The following ATF2 variants were observed in gnomAD, a reference collection of about 807,000 sequenced individuals.
ATF2 encodes the protein activating transcription factor 2, also known as cyclic AMP-dependent transcription factor ATF-2.
ATF2 carries 24 observed loss-of-function variants against 60.6 expected under a neutral mutation model. The ratio of observed to expected loss-of-function variants is 0.40; its 90% CI spans 0.29 to 0.56. The LOEUF (loss-of-function observed/expected upper bound fraction) is 0.56, where lower values mean the gene tolerates loss of function less well. Ranked by LOEUF, ATF2 falls within the 20% of genes least tolerant of loss-of-function variation. The pLI is 0.54. For missense variants in ATF2, 433 were observed against 607.7 expected, an observed-to-expected ratio of 0.71 and a Z score of 3.02; for synonymous variants, 206 against 215.4, an observed-to-expected ratio of 0.96 and a Z score of 0.38.
intron 11 of ATF2, 84 bp from the exon 12 acceptor site, chr2:175,093,351 G>C: frequency 2.2e-6 from 3 of 1,333,456 alleles, no homozygotes; most frequent in Non-Finnish European, 3.1e-6. Flanking sequence ...CAAAGGGGGA[G>C]AGCAACTGTA....
At chr2:175,163,058 T>C (rs1199690686) in intron 1 of ATF2, among the ~76,000 whole-genome samples, 16 of 151,856 alleles carry the variant, frequency 1.1e-4, no homozygotes, top group Admixed American at 9.8e-4. Flanking sequence ...GGCATGAACC[T>C]GGGAGGCGGA....
chr2:175,111,660 C>T lies in ATF2; in HGVS notation c.742-6G>A. On this transcript the variant is annotated splice_polypyrimidine_tract_variant and splice_region_variant and intron_variant, in intron 9 of 13. Coordinates refer to ENST00000264110, the MANE Select transcript of ATF2 (RefSeq NM_001880.4). ...ATGGTGACTGGTCGAACGAGCTATG[C>T]ATGACATAAGGAAAAATAATTGCTA... 6.2e-7 allele frequency: 1 copy of T among 1,610,672 alleles called. No homozygotes were observed. Among genetic ancestry groups the T allele is most frequent in the South Asian group, 1.1e-5 (1 of 90,716 alleles).
chr2:175,086,160 G>GT lies in ATF2; in HGVS notation c.1186-5396dup, dbSNP rs1694153453. 2.0e-5 allele frequency among the ~76,000 whole-genome samples: 3 copies of GT among 152,112 alleles called. No individual in the cohort carries two copies. The South Asian group carries it at 6.2e-4, about 31-fold the overall frequency. ...TTGTCCTGATCTAAAATGTTTTACA[G>GT]TAACATTTTCCTAATGATGATTCTG... is the stretch of plus-strand genomic sequence containing the variant. On this transcript the variant is annotated intron_variant, in intron 12 of 13. Transcript: ENST00000264110.
intron 2 of ATF2, among the ~76,000 whole-genome samples, chr2:175,142,294 G>C (rs773029664): frequency 6.6e-6 from 1 of 150,828 alleles, no homozygotes; most frequent in African/African-American, 2.4e-5. Flanking sequence ...CAAGCCTCCA[G>C]AGTAGCCGGG....
At chr2:175,108,315 G>A (rs1207326309) in intron 10 of ATF2, among the ~76,000 whole-genome samples, 42 of 151,892 alleles carry the variant, frequency 2.8e-4, no homozygotes, top group Non-Finnish European at 4.9e-4. Flanking sequence ...CCGTCCGGGA[G>A]GGAGGTGGGG....
At chr2:175,115,654 G>A (rs1696502245) in intron 7 of ATF2, among the ~76,000 whole-genome samples, 1 of 152,104 alleles carries the variant, frequency 6.6e-6, no homozygotes, top group South Asian at 2.1e-4. Flanking sequence ...AAGCTACATA[G>A]GAAGAAGGAT....
intron 10 of ATF2, among the ~76,000 whole-genome samples, chr2:175,098,901 A>T (rs996187142): frequency 4.6e-5 from 7 of 152,210 alleles, no homozygotes; most frequent in African/African-American, 1.7e-4. Flanking sequence ...AGCATATATG[A>T]AAAGATCACC....
rs764894550 is a variant in ATF2, at chr2:175,093,133, T to C, written c.1113A>G (p.Gln371=). 2.5e-6 allele frequency: 4 copies of C among 1,614,098 alleles called. No homozygotes were observed. Among genetic ancestry groups the C allele is most frequent in the Non-Finnish European group, 2.5e-6 (3 of 1,180,036 alleles). ...AAGACTGAACCCAGACTTTCCTTTT[T>C]TGTCGGCATCTTGAAGCTGCTGCTC... ...RNRAAASRCR[Q]KRKVWVQSLE... Residue 371 remains glutamine (Q), a synonymous_variant, in exon 12 of 14, where the codon CAA becomes CAG. Coordinates refer to ENST00000264110, the MANE Select transcript of ATF2 (RefSeq NM_001880.4).
At chr2:175,096,343 T>C (rs989842364) in intron 11 of ATF2, among the ~76,000 whole-genome samples, 2 of 152,172 alleles carry the variant, frequency 1.3e-5, no homozygotes, top group Non-Finnish European at 2.9e-5. Flanking sequence ...ATAAAGCATA[T>C]TTGCTCCTTT....
chr2:175,123,324 C>A (rs767001861), intron 4 of ATF2, among the ~76,000 whole-genome samples: 33 of 152,024 alleles, frequency 2.2e-4, no homozygotes, highest in Non-Finnish European at 4.0e-4. Flanking sequence ...ACATCCTACA[C>A]TAAAAGCATC....
intron 2 of ATF2, among the ~76,000 whole-genome samples, chr2:175,139,245 TATATC>T (rs1292949293): frequency 6.6e-6 from 1 of 152,146 alleles, no homozygotes; most frequent in Non-Finnish European, 1.5e-5. Flanking sequence ...TAAAAGAAAT[TATATC>T]AGTTGGATAC....
chr2:175,094,403 GAAAAAAA>G (rs61440218), intron 11 of ATF2, among the ~76,000 whole-genome samples: 45 of 61,142 alleles, frequency 7.4e-4, no homozygotes, highest in Non-Finnish European at 1.1e-3. Context: ...CAAAAAATAC[GAAAAAAA>G]AAAAAAAAAA....
In ATF2 at chr2:175,097,955, T is replaced by A. The variant is rs1004957829; in HGVS notation, c.829-362A>T. Among the ~76,000 whole-genome samples, 4 of 152,244 alleles carry A rather than the reference T, an allele frequency of 2.6e-5. No individual in the cohort carries two copies. In the East Asian group the frequency reaches 5.8e-4, roughly 22 times the overall value. On this transcript the variant is annotated intron_variant, in intron 10 of 13. Transcript: ENST00000264110. ...CTGTTGCAGGTTTGCCAGTTAATTA[T>A]TGGATTGTACTGGACTCACATTCAG...
chr2:175,155,866 T>G (rs1699640246), intron 1 of ATF2, among the ~76,000 whole-genome samples: 1 of 152,148 alleles, frequency 6.6e-6, no homozygotes, highest in African/African-American at 2.4e-5. Context: ...AAAACAGAAA[T>G]TATATTTTTT....
intron 4 of ATF2, 146 bp from the exon 5 acceptor site, chr2:175,121,686 TA>T (rs1430484957): frequency 8.8e-6 from 5 of 568,000 alleles, no homozygotes; most frequent in Non-Finnish European, 1.5e-5. Flanking sequence ...CCGTTATTGT[TA>T]GTAGATAGCA....
At chr2:175,156,733 C>T (rs892960246) in intron 1 of ATF2, among the ~76,000 whole-genome samples, 1 of 152,216 alleles carries the variant, frequency 6.6e-6, no homozygotes, top group African/African-American at 2.4e-5. Context: ...AAAAGGAATG[C>T]AGCTCTGCCA....
In ATF2 at chr2:175,111,562, G is replaced by T; in HGVS notation, c.828+6C>A. On this transcript the variant is annotated splice_donor_region_variant and intron_variant, in intron 10 of 13. Transcript: ENST00000264110. ...CAATGTACAGAACAAATAAAATCTG[G>T]CTTACCATTTTTGCTTCTGACTGTA... 1.2e-6 allele frequency: 2 copies of T among 1,608,120 alleles called. No homozygotes were observed.
chr2:175,146,172 C>T (rs1698933460), intron 2 of ATF2, among the ~76,000 whole-genome samples: 1 of 151,962 alleles, frequency 6.6e-6, no homozygotes, highest in Non-Finnish European at 1.5e-5. Flanking sequence ...ATTATATAAC[C>T]CCAAATTGAG....
chr2:175,128,594 T>C (rs1485212449), intron 4 of ATF2, among the ~76,000 whole-genome samples: 1 of 152,016 alleles, frequency 6.6e-6, no homozygotes, highest in Non-Finnish European at 1.5e-5. Flanking sequence ...AACAGTAAGT[T>C]TTAGAGGAAA....
Sources: allele counts gnomAD v4.1 joint callset (sites outside exome capture counted in the v4.1 genomes callset), GRCh38; gene constraint gnomAD v4.1.1; transcripts MANE v1.5; gene names NCBI Gene and HGNC (gene_info 2026-07-23, HGNC 2026-07-21).